The following SPATA9 variants were observed in gnomAD, a reference collection of about 807,000 sequenced individuals.
SPATA9 encodes spermatogenesis associated 9, also known as spermatogenesis-associated protein 9.
In SPATA9, 27 loss-of-function variants were observed where a neutral mutation model predicts 25.5. The ratio of observed to expected loss-of-function variants is 1.06; its 90% confidence interval spans 0.78 to 1.46. The LOEUF (loss-of-function observed/expected upper bound fraction) is 1.46, where lower values mean the gene tolerates loss of function less well. SPATA9 is among the 40% of genes most tolerant of loss of function. The pLI, the probability that SPATA9 is intolerant of heterozygous loss-of-function variation, is 0.00. For missense variants in SPATA9, 282 were observed against 297.5 expected (o/e 0.95, Z 0.38); for synonymous variants, 102 against 105.7 (o/e 0.97, Z 0.21).
chr5:95,652,773 CTGT>C (rs531184177), downstream of SPATA9: 83 of 285,204 alleles, frequency 2.9e-4, 1 homozygote, highest in African/African-American at 1.6e-3. Context: ...ACTACTGCTA[CTGT>C]TGTTATTACT....
chr5:95,716,538 G>A, the SPATA9 span, among the ~76,000 whole-genome samples: 1 of 152,202 alleles, frequency 6.6e-6, no homozygotes, highest in African/African-American at 2.4e-5. Flanking sequence ...TAACTAACTT[G>A]CTTTTGATTT....
At chr5:95,683,996 G>C (rs188461535), upstream of SPATA9, among the ~76,000 whole-genome samples, 1 of 152,238 alleles carries the variant, frequency 6.6e-6, no homozygotes, top group Non-Finnish European at 1.5e-5. Context: ...TTGGGAAAGA[G>C]AAATCTTCAT....
At chr5:95,729,106 TA>T in the SPATA9 span, among the ~76,000 whole-genome samples, 2 of 152,228 alleles carry the variant, frequency 1.3e-5, no homozygotes, top group African/African-American at 4.8e-5. Flanking sequence ...GAAATAACTA[TA>T]AGTATACTCA....
the SPATA9 span, among the ~76,000 whole-genome samples, chr5:95,725,950 T>C: frequency 6.6e-6 from 1 of 152,076 alleles, no homozygotes; most frequent in Non-Finnish European, 1.5e-5. Context: ...GAAGAGAAAA[T>C]ATGTCTTCTC....
At chr5:95,716,205 A>G in the SPATA9 span, among the ~76,000 whole-genome samples, 1 of 152,338 alleles carries the variant, frequency 6.6e-6, no homozygotes, top group African/African-American at 2.4e-5. Context: ...CCAGAATGGT[A>G]GATCCACCGA....
chr5:95,682,462 T>C, intron 2 of SPATA9, 66 bp downstream of exon 2: 1 of 1,111,892 alleles, frequency 9.0e-7, no homozygotes, highest in Non-Finnish European at 1.3e-6. Context: ...CATTAAATAA[T>C]GGGTATGATA....
intron 4 of SPATA9, chr5:95,659,643 T>C (rs920134297): frequency 6.6e-6 from 1 of 152,108 alleles, no homozygotes; most frequent in African/African-American, 2.4e-5. Context: ...CAAGGTAATA[T>C]AAAAGATTAT....
chr5:95,676,376 C>A (rs922639475), intron 2 of SPATA9, among the ~76,000 whole-genome samples: 19 of 152,048 alleles, frequency 1.2e-4, no homozygotes, highest in Non-Finnish European at 2.8e-4. Context: ...TACACTGTAC[C>A]AAATGCACAC....
At chr5:95,699,829 T>C (rs1175575600), upstream of SPATA9, among the ~76,000 whole-genome samples, 1 of 152,234 alleles carries the variant, frequency 6.6e-6, no homozygotes, top group Non-Finnish European at 1.5e-5. Flanking sequence ...GAGTTTCAAG[T>C]ACAAATATCT....
At chr5:95,709,527 C>A in the SPATA9 span, among the ~76,000 whole-genome samples, 34,583 of 152,036 alleles carry the variant, frequency 0.23, 4,178 homozygotes, top group East Asian at 0.5. Flanking sequence ...CACAATGGAA[C>A]TTCCACTGAA....
downstream of SPATA9, chr5:95,652,440 G>C: frequency 7.2e-7 from 1 of 1,390,872 alleles, no homozygotes; most frequent in East Asian, 2.5e-5. Context: ...CTACTTGGAT[G>C]TCTCTGAGAT....
At chr5:95,678,504 TA>T (rs1753148190) in intron 2 of SPATA9, among the ~76,000 whole-genome samples, 1 of 152,238 alleles carries the variant, frequency 6.6e-6, no homozygotes, top group Admixed American at 6.5e-5. Context: ...TATTCCTCTA[TA>T]AAAATTCCAT....
At chr5:95,693,340 GAATT>G (rs1342906681) in intron 1 of SPATA9, among the ~76,000 whole-genome samples, 1 of 152,060 alleles carries the variant, frequency 6.6e-6, no homozygotes, top group East Asian at 1.9e-4. Flanking sequence ...ATCAACTGTA[GAATT>G]AATAAATAAA....
intron 2 of SPATA9, among the ~76,000 whole-genome samples, chr5:95,681,141 C>T (rs1438091523): frequency 1.3e-5 from 2 of 152,176 alleles, no homozygotes; most frequent in Non-Finnish European, 2.9e-5. Flanking sequence ...AACTGAATGT[C>T]ATTTCCAAGC....
downstream of SPATA9, chr5:95,657,038 C>T (rs1302687835): frequency 1.3e-5 from 2 of 152,150 alleles, no homozygotes; most frequent in Admixed American, 6.5e-5. Context: ...GGAAGCCAGA[C>T]ACAGCTGCTG....
chr5:95,724,221 A>G, the SPATA9 span, among the ~76,000 whole-genome samples: 1 of 152,226 alleles, frequency 6.6e-6, no homozygotes, highest in Non-Finnish European at 1.5e-5. Flanking sequence ...TTAAAAAGAT[A>G]TGTGGAATTT....
At chr5:95,715,052 G>A in the SPATA9 span, among the ~76,000 whole-genome samples, 8 of 152,270 alleles carry the variant, frequency 5.3e-5, no homozygotes, top group East Asian at 1.2e-3. Context: ...GTGGCCGGGT[G>A]TGGTGGCTAA....
At chr5:95,730,925 G>C in the SPATA9 span, 512 of 458,452 alleles carry the variant, frequency 1.1e-3, 5 homozygotes, top group South Asian at 6.0e-3. Context: ...AGGCCAAGAG[G>C]GGGGGAAATC....
At chr5:95,652,207 T>C (rs1750378596), downstream of SPATA9, 1 of 1,493,946 alleles carries the variant, frequency 6.7e-7, no homozygotes, top group Non-Finnish European at 9.0e-7. Context: ...TTCATTTGAT[T>C]AGCAATAGAT....
Sources: gnomAD v4.1 joint callset for allele counts (sites outside exome capture counted in the v4.1 genomes callset) on GRCh38, gnomAD v4.1.1 for gene constraint, MANE v1.5 for transcripts, NCBI Gene and HGNC (gene_info 2026-07-23, HGNC 2026-07-21) for gene names.